Variants in CACNA1E observed in about 807,000 individuals in gnomAD.
The protein encoded by CACNA1E is calcium voltage-gated channel subunit alpha1 E, also known as voltage-dependent R-type calcium channel subunit alpha-1E.
CACNA1E carries 40 observed loss-of-function variants against 259.2 expected under a neutral mutation model. The ratio of observed to expected loss-of-function variants is 0.15; its 90% CI spans 0.12 to 0.20. The LOEUF is 0.20. CACNA1E is among the 10% of genes least tolerant of loss of function. CACNA1E has a pLI of 1.00. For missense variants in CACNA1E, 1,874 were observed against 3,040.1 expected (o/e 0.62, Z 9.02); for synonymous variants, 1,104 against 1,138.5 (o/e 0.97, Z 0.61).
intron 1 of CACNA1E, among the ~76,000 whole-genome samples, chr1:181,492,717 A>G (rs182400207): frequency 3.2e-4 from 49 of 152,312 alleles, no homozygotes; most frequent in Middle Eastern, 3.4e-3. Context: ...TTCAATAAGC[A>G]TCTCAGCAAG....
intron 1 of CACNA1E, among the ~76,000 whole-genome samples, chr1:181,360,242 C>T (rs756783860): frequency 7.9e-5 from 12 of 152,186 alleles, no homozygotes; most frequent in Non-Finnish European, 1.3e-4. Context: ...CACTTCCACT[C>T]CGAGGCATAT....
chr1:181,761,436 G>A (rs1051998634), intron 32 of CACNA1E, among the ~76,000 whole-genome samples: 8 of 152,328 alleles, frequency 5.3e-5, no homozygotes, highest in African/African-American at 1.7e-4. Context: ...CTGGCCTAGT[G>A]TCTGGCTCAT....
chr1:181,692,078 A>G (rs1651219866), intron 7 of CACNA1E, among the ~76,000 whole-genome samples: 1 of 152,100 alleles, frequency 6.6e-6, no homozygotes, highest in Non-Finnish European at 1.5e-5. Context: ...GCCACAAAAA[A>G]TAAATACCTA....
At chr1:181,472,001 A>T (rs1662541114) in intron 2 of CACNA1E, among the ~76,000 whole-genome samples, 1 of 152,186 alleles carries the variant, frequency 6.6e-6, no homozygotes, top group South Asian at 2.1e-4. Flanking sequence ...GGAAAAAACA[A>T]AATGTTCATC....
chr1:181,328,066 G>A (rs1010562195), intron 1 of CACNA1E, among the ~76,000 whole-genome samples: 1 of 152,222 alleles, frequency 6.6e-6, no homozygotes, highest in Non-Finnish European at 1.5e-5. Context: ...TCAGAAGCAA[G>A]TGTCTTTGTT....
intron 37 of CACNA1E, among the ~76,000 whole-genome samples, chr1:181,775,536 T>A (rs1173864179): frequency 6.6e-6 from 1 of 152,200 alleles, no homozygotes; most frequent in Non-Finnish European, 1.5e-5. Flanking sequence ...CCTTTAGTAG[T>A]TCCTGTTGCT....
At position 181,779,646 on chromosome 1, in the gene CACNA1E, G is replaced by A. The variant is rs117881615; in HGVS notation, c.5268-1781G>A. The A allele has an allele frequency of 4.7e-4, 126 of 268,642 alleles. No homozygotes were observed. The East Asian group carries it at 0.01, about 22-fold the overall frequency. 16.6% of individuals were successfully genotyped at this position (268,642 alleles called of 1,614,324 possible). ...CTGCGCCACATGAGGGAACCTTCATGTTGCTTTCCTTTGAGTTTAAAGAGG... is the reference window on the plus strand; with the variant it reads ...CTGCGCCACATGAGGGAACCTTCATATTGCTTTCCTTTGAGTTTAAAGAGG... On this transcript the variant is annotated intron_variant, in intron 38 of 47. Coordinates refer to ENST00000367573, the MANE Select transcript of CACNA1E (RefSeq NM_001205293.3).
intron 3 of CACNA1E, among the ~76,000 whole-genome samples, chr1:181,567,061 G>A (rs958383684): frequency 3.9e-5 from 6 of 152,110 alleles, no homozygotes; most frequent in Non-Finnish European, 8.8e-5. Flanking sequence ...TCTTAGTGTG[G>A]TGGTTTTGAT....
At position 181,802,080 on chromosome 1, in the gene CACNA1E, G is replaced by A. The variant is rs1182245476; in HGVS notation, c.*3246G>A. 1 of 152,238 alleles carries A rather than the reference G, an allele frequency of 6.6e-6. No individual in the cohort carries two copies. Among genetic ancestry groups the A allele is most frequent in the Non-Finnish European group, 1.5e-5 (1 of 68,056 alleles). 9.4% of individuals were successfully genotyped at this position (152,238 alleles called of 1,614,324 possible). Reference sequence around the variant, plus strand: ...AGAGGACAGAGTGCCAGCGACCTCTGGACAGGGGCAGGGCTCCAGCCAAGG... The same window carrying A: ...AGAGGACAGAGTGCCAGCGACCTCTAGACAGGGGCAGGGCTCCAGCCAAGG... On this transcript the variant is annotated 3_prime_UTR_variant, in exon 48 of 48. Coordinates refer to ENST00000367573, the MANE Select transcript of CACNA1E (RefSeq NM_001205293.3).
intron 35 of CACNA1E, among the ~76,000 whole-genome samples, chr1:181,768,674 A>T (rs2102750570): frequency 6.6e-6 from 1 of 152,320 alleles, no homozygotes; most frequent in South Asian, 2.1e-4. Context: ...TTCCCCTCAG[A>T]TTTCTTTCCA....
chr1:181,378,790 A>G (rs1474922915), intron 1 of CACNA1E, among the ~76,000 whole-genome samples: 2 of 152,238 alleles, frequency 1.3e-5, no homozygotes, highest in Admixed American at 1.3e-4. Context: ...GTAGTGGGGA[A>G]AAACTATGTC....
chr1:181,536,429 T>G (rs1192015370), intron 3 of CACNA1E, among the ~76,000 whole-genome samples: 6 of 152,220 alleles, frequency 3.9e-5, no homozygotes, highest in Non-Finnish European at 8.8e-5. Flanking sequence ...TTTTAAAAGT[T>G]TTCAGTTATC....
chr1:181,429,361 C>T (rs1659545266), intron 2 of CACNA1E, among the ~76,000 whole-genome samples: 1 of 152,158 alleles, frequency 6.6e-6, no homozygotes, highest in South Asian at 2.1e-4. Flanking sequence ...GGACTTGCTC[C>T]CCAAGGGTGC....
intron 1 of CACNA1E, among the ~76,000 whole-genome samples, chr1:181,379,463 G>C (rs1363474351): frequency 6.6e-6 from 1 of 152,196 alleles, no homozygotes; most frequent in Non-Finnish European, 1.5e-5. Context: ...CTATGTTTTA[G>C]TCGGTTTGAA....
At chr1:181,713,222 G>T (rs749517326) in intron 8 of CACNA1E, among the ~76,000 whole-genome samples, 17 of 152,128 alleles carry the variant, frequency 1.1e-4, no homozygotes, top group Non-Finnish European at 2.2e-4. Flanking sequence ...GTCCTGGGGG[G>T]TCCCCAGATC....
intron 3 of CACNA1E, among the ~76,000 whole-genome samples, chr1:181,516,741 T>C (rs1371713254): frequency 6.6e-6 from 1 of 152,230 alleles, no homozygotes; most frequent in African/African-American, 2.4e-5. Context: ...TTTTCCATTG[T>C]ATGTTAAAGT....
chr1:181,597,599 G>A (rs1262513287), intron 6 of CACNA1E, among the ~76,000 whole-genome samples: 1 of 152,196 alleles, frequency 6.6e-6, no homozygotes, highest in African/African-American at 2.4e-5. Context: ...TGCCTCGAAG[G>A]TGATGGATCG....
intron 7 of CACNA1E, among the ~76,000 whole-genome samples, chr1:181,710,515 G>A (rs548734958): frequency 2.0e-5 from 3 of 152,186 alleles, no homozygotes; most frequent in South Asian, 2.1e-4. Context: ...TGAGTTAATG[G>A]GTGTAAAAAC....
At position 181,801,420 on chromosome 1, in the gene CACNA1E, T is replaced by G. The variant is rs912890687; in HGVS notation, c.*2586T>G. 1 of 152,278 alleles carries G rather than the reference T, an allele frequency of 6.6e-6. No homozygotes were observed. The highest frequency in any genetic ancestry group is 2.4e-5 in the African/African-American group (1 of 41,468). The allele number at this position is 152,278 out of a possible 1,614,324, so 9.4% of individuals were successfully genotyped here. A position where few individuals can be genotyped will look rare whatever the true frequency, so the allele number is the denominator to read the frequency against. The stretch of plus-strand genomic sequence containing the variant: ...TCCTGAATAAAGTGTTGGAAAGCAC[T>G]GCAGATGCGGTCACCTGACTGACCA... On this transcript the variant is annotated 3_prime_UTR_variant, in exon 48 of 48. Transcript: ENST00000367573.
Sources: gnomAD v4.1 joint callset for allele counts (sites outside exome capture counted in the v4.1 genomes callset) on GRCh38, gnomAD v4.1.1 for gene constraint, MANE v1.5 for transcripts, NCBI Gene and HGNC (gene_info 2026-07-23, HGNC 2026-07-21) for gene names.